The following GRIK1 variants were observed in gnomAD, a reference collection of about 807,000 sequenced individuals.
GRIK1 encodes the protein glutamate receptor ionotropic, kainate 1.
Under a neutral mutation model 105.7 loss-of-function variants are expected in GRIK1, and 69 were observed. The observed-to-expected ratio is 0.65, with a 90% CI of 0.54 to 0.80. The LOEUF (loss-of-function observed/expected upper bound fraction) is 0.80. Among genes scored for constraint, GRIK1 ranks in the 30% least tolerant of loss-of-function variants. GRIK1 has a pLI of 0.00. For synonymous variants in GRIK1, 438 were observed against 431.3 expected (o/e 1.02, Z -0.19); for missense variants, 1,109 against 1,167.3 (o/e 0.95, Z 0.73).
At chr21:29,639,121 CT>C in intron 7 of GRIK1, among the ~76,000 whole-genome samples, 1 of 152,318 alleles carries the variant, frequency 6.6e-6, no homozygotes, top group Middle Eastern at 3.4e-3. Context: ...CTGACTCTGT[CT>C]TATTGAATTG....
intron 6 of GRIK1, among the ~76,000 whole-genome samples, chr21:29,645,356 T>TGAA (rs2062596509): frequency 6.6e-6 from 1 of 152,192 alleles, no homozygotes; most frequent in Non-Finnish European, 1.5e-5. Flanking sequence ...AGGATATACT[T>TGAA]TTTTGAAAAT....
chr21:29,636,748 G>A (rs190516221), intron 7 of GRIK1, among the ~76,000 whole-genome samples: 93 of 152,160 alleles, frequency 6.1e-4, no homozygotes, highest in Non-Finnish European at 1.2e-3. Context: ...ATCTTTGTTG[G>A]TTTACCTGCT....
intron 1 of GRIK1, among the ~76,000 whole-genome samples, chr21:29,906,404 TATAAC>T (rs1187280781): frequency 2.6e-5 from 4 of 152,280 alleles, no homozygotes; most frequent in East Asian, 1.9e-4. Flanking sequence ...TTCAGAAAAA[TATAAC>T]ATACTGATAA....
At chr21:29,807,843 T>G (rs2066907191) in intron 1 of GRIK1, among the ~76,000 whole-genome samples, 1 of 152,016 alleles carries the variant, frequency 6.6e-6, no homozygotes, top group African/African-American at 2.4e-5. Context: ...GGTGTCAAGG[T>G]TGAGTTGTGG....
intron 1 of GRIK1, among the ~76,000 whole-genome samples, chr21:29,934,178 G>T (rs534852089): frequency 6.6e-6 from 1 of 152,294 alleles, no homozygotes; most frequent in East Asian, 1.9e-4. Context: ...TCTCCAACTT[G>T]ATTGCATTAT....
At chr21:29,699,844 T>G (rs1307628829) in intron 1 of GRIK1, among the ~76,000 whole-genome samples, 1 of 152,118 alleles carries the variant, frequency 6.6e-6, no homozygotes, top group Non-Finnish European at 1.5e-5. Context: ...AGAGAGGGTT[T>G]CGGCATGTTG....
At chr21:29,598,720 A>G (rs2061461996) in intron 8 of GRIK1, 110 bp downstream of exon 8, 1 of 541,586 alleles carries the variant, frequency 1.8e-6, no homozygotes, top group Non-Finnish European at 3.3e-6. Flanking sequence ...ATGTAAAAGA[A>G]CATGCTTAGA....
At chr21:29,775,734 A>C (rs1173733574) in intron 1 of GRIK1, among the ~76,000 whole-genome samples, 1 of 152,112 alleles carries the variant, frequency 6.6e-6, no homozygotes, top group Non-Finnish European at 1.5e-5. Context: ...CTCTTTCTTC[A>C]GTGGAAATTT....
At chr21:29,886,553 C>T (rs189441087) in intron 1 of GRIK1, among the ~76,000 whole-genome samples, 1 of 152,046 alleles carries the variant, frequency 6.6e-6, no homozygotes, top group Non-Finnish European at 1.5e-5. Flanking sequence ...ATTCTATGTA[C>T]AAGACACTGT....
At chr21:29,863,955 C>T (rs1482226183) in intron 1 of GRIK1, among the ~76,000 whole-genome samples, 3 of 152,102 alleles carry the variant, frequency 2.0e-5, no homozygotes, top group Non-Finnish European at 2.9e-5. Flanking sequence ...GTTTACATCC[C>T]TTCATCCTCC....
At position 29,899,974 on chromosome 21, in the gene GRIK1, C is replaced by T. The variant is rs542483545; in HGVS notation, c.118+39409G>A. Among the ~76,000 whole-genome samples the T allele has an allele frequency of 2.0e-5, 3 of 151,730 alleles. No individual in the cohort carries two copies. The South Asian group carries it at 6.2e-4, about 32-fold the overall frequency. ...TACCTTCTATGTATTAAGCACTGTGCTGGGTACAGAAAACACATGATAAAT... is the reference window on the plus strand; with the variant it reads ...TACCTTCTATGTATTAAGCACTGTGTTGGGTACAGAAAACACATGATAAAT... On this transcript the variant is annotated intron_variant, in intron 1 of 17. Coordinates refer to ENST00000327783, the MANE Select transcript of GRIK1 (RefSeq NM_001330994.2).
chr21:29,598,840 C>T lies in GRIK1; in HGVS notation c.1196G>A (p.Gly399Glu), dbSNP rs745607598. The T allele has an allele frequency of 1.4e-5, 20 of 1,438,076 alleles. No individual in the cohort carries two copies. The highest frequency in any genetic ancestry group is 1.8e-5 in the Non-Finnish European group (18 of 1,026,848). 89.1% of individuals were successfully genotyped at this position (1,438,076 alleles called of 1,614,324 possible). The change falls in exon 8 of 18, where the codon GGA (glycine) becomes GAA (glutamate). Residue 399 changes from glycine (G) to glutamate (E), a missense_variant. Around this residue, in one of 5 missense-constraint regions of GRIK1, gnomAD observed 612 missense variants for 586.0 expected, o/e 1.04. Transcript: ENST00000327783. Reference sequence around the variant, plus strand: ...TGTTAAGGAGGTTACCTTTTCAGTTCCTTCCTCTTTGAGACTAATAATGTC... The same window carrying T: ...TGTTAAGGAGGTTACCTTTTCAGTTTCTTCCTCTTTGAGACTAATAATGTC... ...DLDIISLKEE[G>E]TEKAAGEVSK...
chr21:29,631,651 TGTA>T (rs2062275170), intron 7 of GRIK1, among the ~76,000 whole-genome samples: 1 of 152,190 alleles, frequency 6.6e-6, no homozygotes, highest in Non-Finnish European at 1.5e-5. Context: ...AGAACTGAGA[TGTA>T]CCATAAGTGT....
In GRIK1 at chr21:29,587,470, G is replaced by A; in HGVS notation, c.1689C>T (p.Thr563=). The part of the protein sequence containing the change: ...ISILYRKPNG[T]NPGVFSFLNP... ...TGAGGAAGGAGAAAACGCCTGGATT[G>A]GTACCATTGGGCTTCCGGTAGAGAA... The change falls in exon 12 of 18, where the codon ACC becomes ACT. Residue 563 remains threonine (T), a synonymous_variant. Coordinates refer to ENST00000327783, the MANE Select transcript of GRIK1 (RefSeq NM_001330994.2). 1.9e-6 allele frequency: 3 copies of A among 1,612,652 alleles called. No homozygotes were observed. The highest frequency in any genetic ancestry group is 2.5e-6 in the Non-Finnish European group (3 of 1,178,730).
At chr21:29,696,300 A>G (rs1207603911) in intron 1 of GRIK1, among the ~76,000 whole-genome samples, 1 of 152,264 alleles carries the variant, frequency 6.6e-6, no homozygotes, top group African/African-American at 2.4e-5. Context: ...AACTGAAATT[A>G]AAAGAAGGAA....
At chr21:29,817,252 G>A (rs34454050) in intron 1 of GRIK1, among the ~76,000 whole-genome samples, 11,980 of 151,970 alleles carry the variant, frequency 0.079, 519 homozygotes, top group Non-Finnish European at 0.092. Flanking sequence ...ATGAATAAAA[G>A]TTCATGAGTA....
At chr21:29,641,002 G>A (rs2062498831) in intron 7 of GRIK1, among the ~76,000 whole-genome samples, 1 of 152,196 alleles carries the variant, frequency 6.6e-6, no homozygotes. Flanking sequence ...GCTATTCTTA[G>A]TGGTGCCTTC....
At chr21:29,805,194 A>G (rs458685) in intron 1 of GRIK1, among the ~76,000 whole-genome samples, 21,786 of 152,122 alleles carry the variant, frequency 0.14, 1,575 homozygotes, top group Non-Finnish European at 0.16. Flanking sequence ...AAAAGGGCAA[A>G]TCTCAGCCTA....
chr21:29,659,470 T>G (rs1014100902), intron 4 of GRIK1, among the ~76,000 whole-genome samples: 1 of 152,214 alleles, frequency 6.6e-6, no homozygotes, highest in Non-Finnish European at 1.5e-5. Flanking sequence ...TGCATACTTA[T>G]GAAATTCCAT....
Sources: allele counts gnomAD v4.1 joint callset (sites outside exome capture counted in the v4.1 genomes callset), GRCh38; gene constraint gnomAD v4.1.1; regional missense constraint gnomAD v4.1.1; transcripts MANE v1.5; gene names NCBI Gene and HGNC (gene_info 2026-07-23, HGNC 2026-07-21).